TNIK: variants seen among roughly 807,000 people sequenced by gnomAD.
The protein encoded by TNIK is TRAF2 and NCK interacting kinase.
A neutral mutation model predicts 191.3 loss-of-function variants in TNIK; 49 were observed. The ratio of observed to expected loss-of-function variants is 0.26; its 90% confidence interval spans 0.20 to 0.32. The LOEUF (loss-of-function observed/expected upper bound fraction) is 0.32, where lower values mean the gene tolerates loss of function less well. TNIK is among the 10% of genes least tolerant of loss of function. TNIK has a pLI of 1.00. For synonymous variants in TNIK, 594 were observed against 600.9 expected, an observed-to-expected ratio of 0.99 and a Z score of 0.17; for missense variants, 1,155 against 1,702.3, an observed-to-expected ratio of 0.68 and a Z score of 5.66.
chr3:171,387,899 G>T (rs928001295), intron 1 of TNIK, among the ~76,000 whole-genome samples: 1 of 151,202 alleles, frequency 6.6e-6, no homozygotes, highest in African/African-American at 2.4e-5. Context: ...AGTTAAAATG[G>T]CCTAGTGGTT....
chr3:171,309,771 A>G (rs977625839), intron 2 of TNIK, among the ~76,000 whole-genome samples: 7 of 152,126 alleles, frequency 4.6e-5, no homozygotes, highest in African/African-American at 7.2e-5. Flanking sequence ...TAACTTTGCA[A>G]TGTGGTGTCA....
rs1459301328 is a variant in TNIK, at chr3:171,063,016, C to T, written c.*865G>A. ...TGTCTGACCCCATCTGTCATCCCAT[C>T]TTTTTCCCTGATCTGTTGCATAATA... On this transcript the variant is annotated 3_prime_UTR_variant, in exon 33 of 33. Coordinates refer to ENST00000436636, the MANE Select transcript of TNIK (RefSeq NM_015028.4). 1 of 152,186 alleles carries T rather than the reference C, an allele frequency of 6.6e-6. No homozygotes were observed. The highest frequency in any genetic ancestry group is 2.4e-5 in the African/African-American group (1 of 41,444). The allele number at this position is 152,186 out of a possible 1,614,324, so 9.4% of individuals were successfully genotyped here. A position where few individuals can be genotyped will look rare whatever the true frequency, so the allele number is the denominator to read the frequency against.
At chr3:171,087,551 A>G in intron 23 of TNIK, 45 bp from the exon 24 acceptor site, 2 of 1,596,830 alleles carry the variant, frequency 1.3e-6, no homozygotes, top group South Asian at 1.1e-5. Flanking sequence ...GGGGGGAAAA[A>G]GGCCACAGAG....
chr3:171,078,649 C>CTTCA (rs1720298162), intron 28 of TNIK, among the ~76,000 whole-genome samples: 1 of 151,828 alleles, frequency 6.6e-6, no homozygotes, highest in South Asian at 2.1e-4. Context: ...TTTAGGTTTC[C>CTTCA]TTCATATTTG....
At position 171,273,080 on chromosome 3, in the gene TNIK, A is replaced by T. The variant is rs565953142; in HGVS notation, c.124-44859T>A. On this transcript the variant is annotated intron_variant, in intron 2 of 32. Coordinates refer to ENST00000436636, the MANE Select transcript of TNIK (RefSeq NM_015028.4). ...CCAGTGTGGCGCTCACACAAGTTAG[A>T]AGCCCAGGGGAGCACCAGAGCAAGC... Among the ~76,000 whole-genome samples the T allele has an allele frequency of 3.2e-3, 491 of 152,298 alleles. 3 individuals carry two copies. The highest frequency in any genetic ancestry group is 5.4e-3 in the Non-Finnish European group (364 of 68,024).
Position 171,061,350 on chromosome 3 carries a change from C to A in TNIK, c.*2531G>T, listed in dbSNP as rs964859563. The A allele has an allele frequency of 6.7e-6, 1 of 149,014 alleles. No individual in the cohort carries two copies. Among genetic ancestry groups the A allele is most frequent in the Non-Finnish European group, 1.5e-5 (1 of 66,962 alleles). The allele number at this position is 149,014 out of a possible 1,614,324, so 9.2% of individuals were successfully genotyped here. ...ATAAAAGGCATGGCTTGATGTTTAA[C>A]GTGTGTTTTATTGTTGTTGGCACCA... is the stretch of plus-strand genomic sequence containing the variant. On this transcript the variant is annotated 3_prime_UTR_variant, in exon 33 of 33. Coordinates refer to ENST00000436636, the MANE Select transcript of TNIK (RefSeq NM_015028.4).
intron 1 of TNIK, among the ~76,000 whole-genome samples, chr3:171,390,127 G>A (rs550029829): frequency 9.2e-5 from 14 of 152,286 alleles, no homozygotes; most frequent in Admixed American, 3.3e-4. Context: ...GGGAACATGT[G>A]AGGAGACCTC....
chr3:171,251,392 T>C (rs73879519), intron 2 of TNIK, among the ~76,000 whole-genome samples: 1 of 152,174 alleles, frequency 6.6e-6, no homozygotes, highest in African/African-American at 2.4e-5. Flanking sequence ...TGGGTAATGA[T>C]CTTGGATGAT....
chr3:171,088,886 G>A (rs1196232037), intron 23 of TNIK, among the ~76,000 whole-genome samples: 1 of 152,168 alleles, frequency 6.6e-6, no homozygotes, highest in Non-Finnish European at 1.5e-5. Flanking sequence ...CATCAACACA[G>A]TATTTTTTAG....
Position 171,230,457 on chromosome 3 carries a change from C to T in TNIK, c.124-2236G>A, listed in dbSNP as rs142915716. Among the ~76,000 whole-genome samples the T allele has an allele frequency of 2.5e-3, 377 of 152,230 alleles. 1 individual carries two copies. The highest frequency in any genetic ancestry group is 8.3e-3 in the African/African-American group (346 of 41,544). ...GAAATTATTTTAATGGTACCTGTAA[C>T]AGGATACAGACAAACCACTGGGCAC... On this transcript the variant is annotated intron_variant, in intron 2 of 32. Transcript: ENST00000436636.
chr3:171,224,538 C>G (rs1742749726), intron 3 of TNIK, among the ~76,000 whole-genome samples: 1 of 151,972 alleles, frequency 6.6e-6, no homozygotes, highest in African/African-American at 2.4e-5. Context: ...ATACAAGACC[C>G]TAGAAAAGTG....
chr3:171,293,735 C>T (rs1751949793), intron 2 of TNIK, among the ~76,000 whole-genome samples: 2 of 152,036 alleles, frequency 1.3e-5, no homozygotes, highest in Admixed American at 6.5e-5. Context: ...GTGATAATGA[C>T]ATAAAGTTTA....
intron 30 of TNIK, among the ~76,000 whole-genome samples, chr3:171,068,038 TC>T (rs1335318033): frequency 2.0e-5 from 3 of 152,174 alleles, no homozygotes; most frequent in Non-Finnish European, 4.4e-5. Context: ...CTTCAAACAT[TC>T]CTGATAAATA....
intron 1 of TNIK, among the ~76,000 whole-genome samples, chr3:171,400,802 C>T (rs183001110): frequency 1.5e-3 from 226 of 152,222 alleles, no homozygotes; most frequent in African/African-American, 5.1e-3. Flanking sequence ...TCCTAAGCAC[C>T]ATATGCCCCC....
intron 9 of TNIK, 62 bp from the exon 10 acceptor site, chr3:171,167,332 A>C: frequency 1.9e-6 from 3 of 1,572,504 alleles, no homozygotes; most frequent in Non-Finnish European, 2.6e-6. Context: ...GCAAATGTGT[A>C]ATTTCTGAAA....
intron 4 of TNIK, among the ~76,000 whole-genome samples, chr3:171,195,213 CTATAAA>C (rs934946699): frequency 8.5e-5 from 13 of 152,150 alleles, no homozygotes; most frequent in Non-Finnish European, 1.6e-4. Context: ...TCCAAGCACT[CTATAAA>C]TATAAACTCA....
chr3:171,325,050 G>T (rs1385793539), intron 2 of TNIK, among the ~76,000 whole-genome samples: 1 of 152,168 alleles, frequency 6.6e-6, no homozygotes, highest in East Asian at 1.9e-4. Context: ...GCAATGAGCT[G>T]AGATGGCGCC....
At chr3:171,259,253 A>G (rs1015271253) in intron 2 of TNIK, among the ~76,000 whole-genome samples, 11 of 152,208 alleles carry the variant, frequency 7.2e-5, no homozygotes, top group African/African-American at 2.7e-4. Context: ...GGACAGACCT[A>G]ATATTTAAAC....
intron 5 of TNIK, among the ~76,000 whole-genome samples, chr3:171,194,086 G>T (rs1022251193): frequency 3.3e-5 from 5 of 152,092 alleles, no homozygotes; most frequent in African/African-American, 1.2e-4. Flanking sequence ...AACTTTATAT[G>T]GTGGGAAGGT....
Sources: gnomAD v4.1 joint callset for allele counts (sites outside exome capture counted in the v4.1 genomes callset) on GRCh38, gnomAD v4.1.1 for gene constraint, MANE v1.5 for transcripts, NCBI Gene and HGNC (gene_info 2026-07-23, HGNC 2026-07-21) for gene names.